Variants in PPM1M observed in about 807,000 individuals in gnomAD.
PPM1M encodes the protein protein phosphatase 1M.
A neutral mutation model predicts 50.8 loss-of-function variants in PPM1M; 44 were observed. The observed-to-expected ratio is 0.87, with a 90% CI of 0.68 to 1.11. PPM1M has a LOEUF of 1.11. Among genes scored for constraint, PPM1M ranks in the 50% most tolerant of loss-of-function variants. PPM1M has a pLI of 0.00. For synonymous variants in PPM1M, 224 were observed against 242.9 expected, an observed-to-expected ratio of 0.92 and a Z score of 0.72; for missense variants, 556 against 593.4, an observed-to-expected ratio of 0.94 and a Z score of 0.66.
At position 52,248,460 on chromosome 3, in the gene PPM1M, G is replaced by A. The variant is rs1699902579; in HGVS notation, c.914+7G>A. On this transcript the variant is annotated splice_region_variant and intron_variant, in intron 6 of 9. Transcript: ENST00000323588. ...ATCACCACATGAGTGGCTGGTGAGT[G>A]GGGATGGGGGACAGGTAGGAAGGGA... 6.2e-7 allele frequency: 1 copy of A among 1,610,580 alleles called. No homozygotes were observed. Among genetic ancestry groups the A allele is most frequent in the South Asian group, 1.1e-5 (1 of 90,912 alleles).
In PPM1M at chr3:52,247,090, A is replaced by AGGCTTGGTGGCC. The variant is rs778290279; in HGVS notation, c.460_471dup (p.Gly154_Ala157dup). Reference sequence around the variant, plus strand: ...GCCGGCAGCTGGAGGCCGTGGTGGAAGGCTTGGTGGCCACTCAGCCCCCCA... The same window carrying AGGCTTGGTGGCC: ...GCCGGCAGCTGGAGGCCGTGGTGGAAGGCTTGGTGGCCGGCTTGGTGGCCACTCAGCCCCCCA... On this transcript the variant is annotated inframe_insertion, in exon 3 of 10. Coordinates refer to ENST00000323588, the MANE Select transcript of PPM1M (RefSeq NM_144641.4). 2.5e-6 allele frequency: 4 copies of AGGCTTGGTGGCC among 1,590,498 alleles called. No homozygotes were observed. In the Admixed American group the frequency reaches 7.1e-5, roughly 28 times the overall value.
Position 52,249,949 on chromosome 3 carries a change from C to T in PPM1M, c.*135C>T. 1 of 741,922 alleles carries T rather than the reference C, an allele frequency of 1.3e-6. No homozygotes were observed. The highest frequency in any genetic ancestry group is 2.2e-6 in the Non-Finnish European group (1 of 450,564). The allele number at this position is 741,922 out of a possible 1,614,324, so 46.0% of individuals were successfully genotyped here. A position where few individuals can be genotyped will look rare whatever the true frequency, so the allele number is the denominator to read the frequency against. On this transcript the variant is annotated 3_prime_UTR_variant, in exon 10 of 10. Coordinates refer to ENST00000323588, the MANE Select transcript of PPM1M (RefSeq NM_144641.4). ...AGTGCTCTCACTATCCACCTCAACA[C>T]ACATCCATCTCAAGAGGAACATTTA...
chr3:52,246,427 CA>C (rs1479836858), intron 1 of PPM1M: 11 of 1,013,692 alleles, frequency 1.1e-5, no homozygotes, highest in African/African-American at 1.7e-5. Context: ...TGCGACAGGA[CA>C]GGGGCAGGAA....
At position 52,247,754 on chromosome 3, in the gene PPM1M, C is replaced by G; in HGVS notation, c.670C>G (p.Leu224Val). The change falls in exon 4 of 10, where the codon CTG becomes GTG. Residue 224 changes from leucine (L) to valine (V), a missense_variant. By Grantham distance (32) the Leu-to-Val change is conservative. Coordinates refer to ENST00000323588, the MANE Select transcript of PPM1M (RefSeq NM_144641.4). ...CTGCACAGCCCTGGTGGCTGTGTCC[C>G]TGCAGGGAAAGCTGTACATGGCCAA... ...GGCTALVAVS[L>V]QGKLYMANAG... 6.3e-7 allele frequency: 1 copy of G among 1,579,788 alleles called. No homozygotes were observed. Among genetic ancestry groups the G allele is most frequent in the Non-Finnish European group, 8.6e-7 (1 of 1,159,862 alleles).
At position 52,248,044 on chromosome 3, in the gene PPM1M, TC is replaced by T. The variant is rs1427533393; in HGVS notation, c.711-108del. ...AGTCATGGAGGGCTTTAAGGGATCA[TC>T]ATGGACAGAGCTGGATCCTGGTGGT... is the stretch of plus-strand genomic sequence containing the variant. On this transcript the variant is annotated intron_variant, in intron 4 of 9. Transcript: ENST00000323588. 5.0e-6 allele frequency: 5 copies of T among 999,398 alleles called. No individual in the cohort carries two copies. In the African/African-American group the frequency reaches 8.0e-5, roughly 16 times the overall value. 61.9% of individuals were successfully genotyped at this position (999,398 alleles called of 1,614,324 possible). A position where few individuals can be genotyped will look rare whatever the true frequency, so the allele number is the denominator to read the frequency against.
In PPM1M at chr3:52,246,064, C is replaced by G. The variant is rs1489271023; in HGVS notation, c.224+16C>G. The G allele has an allele frequency of 9.1e-7, 1 of 1,100,922 alleles. No individual in the cohort carries two copies. Among genetic ancestry groups the G allele is most frequent in the Non-Finnish European group, 1.1e-6 (1 of 887,946 alleles). 68.2% of individuals were successfully genotyped at this position (1,100,922 alleles called of 1,614,324 possible). On this transcript the variant is annotated intron_variant, in intron 1 of 9. Transcript: ENST00000323588. The stretch of plus-strand genomic sequence containing the variant: ...GCTACGCCGAGTGAGTGCCCCTCCC[C>G]GACCCCCAGCTCAGGCCCGGGCCTG...
At position 52,246,001 on chromosome 3, in the gene PPM1M, C is replaced by A; in HGVS notation, c.177C>A (p.Arg59=). 1 of 1,236,262 alleles carries A rather than the reference C, an allele frequency of 8.1e-7. No individual in the cohort carries two copies. Among genetic ancestry groups the A allele is most frequent in the Non-Finnish European group, 1.0e-6 (1 of 963,638 alleles). 76.6% of individuals were successfully genotyped at this position (1,236,262 alleles called of 1,614,324 possible). A position where few individuals can be genotyped will look rare whatever the true frequency, so the allele number is the denominator to read the frequency against. ...ASRRPDSRPV[R]SPARGRTLPW... is the part of the protein sequence containing the mutation. ...GCCGCCCAGACTCCCGGCCCGTGCG[C>A]AGCCCCGCACGAGGACGCACGCTAC... The change falls in exon 1 of 10, where the codon CGC becomes CGA. Residue 59 remains arginine (R), a synonymous_variant. Coordinates refer to ENST00000323588, the MANE Select transcript of PPM1M (RefSeq NM_144641.4).
chr3:52,248,963 T>C lies in PPM1M; in HGVS notation c.986T>C (p.Leu329Ser). 1 of 1,605,616 alleles carries C rather than the reference T, an allele frequency of 6.2e-7. No homozygotes were observed. The highest frequency in any genetic ancestry group is 8.5e-7 in the Non-Finnish European group (1 of 1,175,900). Residue 329 changes from leucine to serine, a missense_variant, in exon 8 of 10, where the codon TTA becomes TCA. Transcript: ENST00000323588. ...CACCTCACTTTCCCTCAGGCTCGGTTACTAGGAACACTGGCTGTCTCCCGG... is the reference window on the plus strand; with the variant it reads ...CACCTCACTTTCCCTCAGGCTCGGTCACTAGGAACACTGGCTGTCTCCCGG... Reference protein sequence around the residue: ...LIHGQGRQARLLGTLAVSRGL... With the variant: ...LIHGQGRQARSLGTLAVSRGL...
In PPM1M at chr3:52,247,065, G is replaced by A. The variant is rs770380330; in HGVS notation, c.434G>A (p.Arg145His). ...LAANTLHSCL[R>H]RQLEAVVEGL... ...GCCAACACCCTGCACTCCTGCTTGC[G>A]CCGGCAGCTGGAGGCCGTGGTGGAA... is the stretch of plus-strand genomic sequence containing the variant. Residue 145 changes from arginine (R) to histidine (H), a missense_variant, in exon 3 of 10, where the codon CGC (arginine) becomes CAC (histidine). By Grantham distance (29) the Arg-to-His change is conservative (BLOSUM62 0). Transcript: ENST00000323588. 16 of 1,565,192 alleles carry A rather than the reference G, an allele frequency of 1.0e-5. No individual in the cohort carries two copies. The highest frequency in any genetic ancestry group is 2.7e-5 in the African/African-American group (2 of 73,738).
rs1178085651 is a variant in PPM1M at position 52,249,763 on chromosome 3, T to TGTGTTC, written c.1333_1338dup (p.Phe445_Val446dup). 6.2e-6 allele frequency: 10 copies of TGTGTTC among 1,613,790 alleles called. No homozygotes were observed. The highest frequency in any genetic ancestry group is 2.7e-5 in the African/African-American group (2 of 74,932). Reference sequence around the variant, plus strand: ...GGCAGGTGTCCTACGATGACGTCTCTGTGTTCGTGATTCCCTTGCACAGTC... The same window carrying TGTGTTC: ...GGCAGGTGTCCTACGATGACGTCTCTGTGTTCGTGTTCGTGATTCCCTTGCACAGTC... On this transcript the variant is annotated inframe_insertion, in exon 10 of 10. Coordinates refer to ENST00000323588, the MANE Select transcript of PPM1M (RefSeq NM_144641.4).
At chr3:52,246,331 C>T (rs1386769233) in intron 1 of PPM1M, 9 of 1,038,922 alleles carry the variant, frequency 8.7e-6, no homozygotes, top group African/African-American at 1.7e-5. Context: ...TTCCAGCATT[C>T]GGGGCTTTGG....
chr3:52,247,630 G>C, intron 3 of PPM1M, 52 bp from the exon 4 acceptor site: 1 of 1,204,048 alleles, frequency 8.3e-7, no homozygotes, highest in Non-Finnish European at 1.2e-6. Flanking sequence ...GAGAGACAAA[G>C]TAGTATGGTG....
intron 6 of PPM1M, 75 bp downstream of exon 6, chr3:52,248,528 C>G: frequency 6.3e-7 from 1 of 1,588,462 alleles, no homozygotes; most frequent in East Asian, 2.2e-5. Flanking sequence ...TGGGGCCCCC[C>G]TCCACCTTGG....
chr3:52,248,985 C>G lies in PPM1M; in HGVS notation c.1008C>G (p.Ser336=), dbSNP rs148950187. The stretch of plus-strand genomic sequence containing the variant: ...GGTTACTAGGAACACTGGCTGTCTC[C>G]CGGGGCCTGGGAGACCATCAGCTCA... ...QARLLGTLAV[S]RGLGDHQLRV... is the part of the protein sequence containing the mutation. The change falls in exon 8 of 10, where the codon TCC becomes TCG. Residue 336 remains serine (S), a synonymous_variant. Transcript: ENST00000323588. The G allele has an allele frequency of 7.1e-4, 1,138 of 1,609,722 alleles. 10 individuals are homozygous for G. Among genetic ancestry groups the G allele is most frequent in the South Asian group, 5.2e-3 (471 of 90,176 alleles).
Position 52,250,416 on chromosome 3 carries a change from A to C in PPM1M, c.*602A>C, listed in dbSNP as rs551627389. 6.5e-6 allele frequency: 1 copy of C among 153,922 alleles called. No homozygotes were observed. The highest frequency in any genetic ancestry group is 1.9e-4 in the East Asian group (1 of 5,212). The allele number at this position is 153,922 out of a possible 1,614,324, so 9.5% of individuals were successfully genotyped here. On this transcript the variant is annotated 3_prime_UTR_variant, in exon 10 of 10. Coordinates refer to ENST00000323588, the MANE Select transcript of PPM1M (RefSeq NM_144641.4). ...GGGCTAAAGTTTGGGGTAGAGCACA[A>C]GGGACAAGAGGAACTCTTGGAGTTG...
Position 52,250,157 on chromosome 3 carries a change from G to A in PPM1M, c.*343G>A, listed in dbSNP as rs577797125. On this transcript the variant is annotated 3_prime_UTR_variant, in exon 10 of 10. Transcript: ENST00000323588. Reference sequence around the variant, plus strand: ...CTCAGATAGGGGCACCCAAGCTAAGGGTATTAGCCAAAGATGCCAGGATGG... The same window carrying A: ...CTCAGATAGGGGCACCCAAGCTAAGAGTATTAGCCAAAGATGCCAGGATGG... 1.3e-5 allele frequency: 3 copies of A among 228,758 alleles called. No individual in the cohort carries two copies. Among genetic ancestry groups the A allele is most frequent in the East Asian group, 8.0e-5 (1 of 12,520 alleles). The allele number at this position is 228,758 out of a possible 1,614,324, so 14.2% of individuals were successfully genotyped here.
Position 52,247,124 on chromosome 3 carries a change from A to G in PPM1M, c.493A>G (p.Asn165Asp), listed in dbSNP as rs1044422039. 2.4e-5 allele frequency: 38 copies of G among 1,608,942 alleles called. No individual in the cohort carries two copies. Among genetic ancestry groups the G allele is most frequent in the Non-Finnish European group, 5.9e-6 (7 of 1,177,816 alleles). ...LVATQPPMHL[N>D]GRCICPSDPQ... is the part of the protein sequence containing the mutation. ...GGCCACTCAGCCCCCCATGCACCTCAATGGCCGCTGCATCTGCCCCAGTGA... is the reference window on the plus strand; with the variant it reads ...GGCCACTCAGCCCCCCATGCACCTCGATGGCCGCTGCATCTGCCCCAGTGA... Residue 165 changes from asparagine (N) to aspartate (D), a missense_variant, in exon 3 of 10, where the codon AAT becomes GAT. By Grantham distance (23) the Asn-to-Asp change is conservative (BLOSUM62 1). Coordinates refer to ENST00000323588, the MANE Select transcript of PPM1M (RefSeq NM_144641.4).
At position 52,250,002 on chromosome 3, in the gene PPM1M, T is replaced by A; in HGVS notation, c.*188T>A. ...CCAGGCAGTCAGAGCTGGAAGTGTATGGAGAGCCCAGCCCACCAGGTCCTG... is the reference window on the plus strand; with the variant it reads ...CCAGGCAGTCAGAGCTGGAAGTGTAAGGAGAGCCCAGCCCACCAGGTCCTG... On this transcript the variant is annotated 3_prime_UTR_variant, in exon 10 of 10. Transcript: ENST00000323588. 1.7e-6 allele frequency: 1 copy of A among 586,844 alleles called. No individual in the cohort carries two copies. The highest frequency in any genetic ancestry group is 3.0e-6 in the Non-Finnish European group (1 of 332,560). 36.4% of individuals were successfully genotyped at this position (586,844 alleles called of 1,614,324 possible). A position where few individuals can be genotyped will look rare whatever the true frequency, so the allele number is the denominator to read the frequency against.
At position 52,247,784 on chromosome 3, in the gene PPM1M, G is replaced by A; in HGVS notation, c.700G>A (p.Gly234Arg). 6.3e-7 allele frequency: 1 copy of A among 1,593,918 alleles called. No homozygotes were observed. The highest frequency in any genetic ancestry group is 8.6e-7 in the Non-Finnish European group (1 of 1,167,632). Residue 234 changes from glycine (G) to arginine (R), a missense_variant, in exon 4 of 10, where the codon GGG becomes AGG. Gly to Arg is a moderately radical substitution (Grantham distance 125). Transcript: ENST00000323588. ...GGGAAAGCTGTACATGGCCAATGCT[G>A]GGGATAGCAGGTGAGTCACCCCTTG... is the stretch of plus-strand genomic sequence containing the variant. Reference protein sequence around the residue: ...LQGKLYMANAGDSRAILVRRD... With the variant: ...LQGKLYMANARDSRAILVRRD...
Sources: gnomAD v4.1 joint callset for allele counts on GRCh38, gnomAD v4.1.1 for gene constraint, MANE v1.5 for transcripts, NCBI Gene and HGNC (gene_info 2026-07-23, HGNC 2026-07-21) for gene names.